The following CDC42BPA variants were observed in gnomAD, a reference collection of about 807,000 sequenced individuals.
CDC42BPA encodes CDC42 binding protein kinase alpha.
A neutral mutation model predicts 223.5 loss-of-function variants in CDC42BPA; 80 were observed. The ratio of observed to expected loss-of-function variants is 0.36; its 90% CI spans 0.30 to 0.43. The LOEUF (loss-of-function observed/expected upper bound fraction) is 0.43. Among genes scored for constraint, CDC42BPA ranks in the 20% least tolerant of loss-of-function variants. The pLI, the probability that CDC42BPA is intolerant of heterozygous loss-of-function variation, is 1.00. For synonymous variants in CDC42BPA, 694 were observed against 718.6 expected (o/e 0.97, Z 0.55); for missense variants, 1,743 against 2,099.9 (o/e 0.83, Z 3.32).
chr1:227,079,118 CAG>C (rs1329975521), intron 17 of CDC42BPA, among the ~76,000 whole-genome samples: 1 of 152,076 alleles, frequency 6.6e-6, no homozygotes, highest in Admixed American at 6.6e-5. Flanking sequence ...GAAAGTTGAA[CAG>C]GGAATATATA....
At chr1:227,025,931 GT>G in intron 31 of CDC42BPA, 123 bp downstream of exon 31, 1 of 607,024 alleles carries the variant, frequency 1.6e-6, no homozygotes, top group South Asian at 2.1e-5. Flanking sequence ...TCTTAGCTAA[GT>G]CCCAAACTGC....
At chr1:227,255,133 T>C (rs1344564423) in intron 1 of CDC42BPA, among the ~76,000 whole-genome samples, 2 of 152,224 alleles carry the variant, frequency 1.3e-5, no homozygotes, top group Non-Finnish European at 2.9e-5. Flanking sequence ...TTCTGCTGCC[T>C]CTAAGAGAAG....
At chr1:227,179,090 A>G (rs1558687577) in intron 5 of CDC42BPA, among the ~76,000 whole-genome samples, 4 of 152,236 alleles carry the variant, frequency 2.6e-5, no homozygotes. Context: ...ACCGCGTGTT[A>G]TATGATTTCA....
chr1:227,024,625 T>C (rs1391455153), intron 31 of CDC42BPA, among the ~76,000 whole-genome samples: 1 of 152,200 alleles, frequency 6.6e-6, no homozygotes, highest in African/African-American at 2.4e-5. Flanking sequence ...CTATATGGTA[T>C]ATATAACAAC....
At chr1:227,159,456 A>T (rs2149794128) in intron 6 of CDC42BPA, among the ~76,000 whole-genome samples, 1 of 152,290 alleles carries the variant, frequency 6.6e-6, no homozygotes, top group Non-Finnish European at 1.5e-5. Flanking sequence ...TCTGCACTCC[A>T]GCCTAGGCAA....
At chr1:227,105,682 A>G (rs762303163) in intron 14 of CDC42BPA, among the ~76,000 whole-genome samples, 1 of 152,116 alleles carries the variant, frequency 6.6e-6, no homozygotes, top group African/African-American at 2.4e-5. Context: ...ATTATTTCAT[A>G]TAAGTGGAAT....
chr1:227,206,742 A>T (rs1050445446), intron 3 of CDC42BPA, among the ~76,000 whole-genome samples: 2 of 152,192 alleles, frequency 1.3e-5, no homozygotes, highest in Admixed American at 1.3e-4. Flanking sequence ...TGTCTAAAAG[A>T]TAAAAGTTTT....
chr1:227,141,504 A>G (rs920912668), intron 9 of CDC42BPA, among the ~76,000 whole-genome samples: 1 of 152,208 alleles, frequency 6.6e-6, no homozygotes, highest in African/African-American at 2.4e-5. Context: ...TCATCCATGA[A>G]AAGAACAGAG....
At chr1:227,132,104 TAAG>T (rs769535475) in intron 10 of CDC42BPA, among the ~76,000 whole-genome samples, 2 of 147,686 alleles carry the variant, frequency 1.4e-5, no homozygotes, top group African/African-American at 5.0e-5. Context: ...GTTCACCAAT[TAAG>T]AAATTCAACC....
At chr1:227,238,667 A>G (rs947214440) in intron 2 of CDC42BPA, among the ~76,000 whole-genome samples, 2 of 152,192 alleles carry the variant, frequency 1.3e-5, no homozygotes, top group African/African-American at 4.8e-5. Flanking sequence ...AAACCTAACT[A>G]TATGAAAAAG....
rs2148671803 is a variant in CDC42BPA at position 227,032,095 on chromosome 1, C to T, written c.3559-581G>A. ...CAGAAATATATTCTCTGTTACTTCA[C>T]AACAATAACTCGCATTATCATTAAG... On this transcript the variant is annotated intron_variant, in intron 27 of 36. Coordinates refer to ENST00000366766, the MANE Select transcript of CDC42BPA (RefSeq NM_001394014.1). Among the ~76,000 whole-genome samples the T allele has an allele frequency of 2.0e-5, 3 of 152,216 alleles. No individual in the cohort carries two copies. In the South Asian group the frequency reaches 6.2e-4, roughly 32 times the overall value.
At chr1:227,213,093 T>C (rs199565620) in intron 3 of CDC42BPA, 43 bp downstream of exon 3, 6 of 973,438 alleles carry the variant, frequency 6.2e-6, no homozygotes, top group Non-Finnish European at 9.3e-6. Flanking sequence ...TCCTGAAAAA[T>C]ATTTCTAAAA....
intron 9 of CDC42BPA, among the ~76,000 whole-genome samples, chr1:227,140,444 T>C (rs1380915919): frequency 6.6e-6 from 1 of 151,636 alleles, no homozygotes; most frequent in Non-Finnish European, 1.5e-5. Flanking sequence ...TAAGTAAGGG[T>C]GAGGGGACCA....
At chr1:227,249,037 A>G (rs1370598596) in intron 2 of CDC42BPA, among the ~76,000 whole-genome samples, 1 of 152,234 alleles carries the variant, frequency 6.6e-6, no homozygotes, top group Non-Finnish European at 1.5e-5. Flanking sequence ...TTCAAATGAT[A>G]CTACAGAGCT....
chr1:227,099,064 T>G (rs1572798862), intron 15 of CDC42BPA, among the ~76,000 whole-genome samples: 1 of 152,278 alleles, frequency 6.6e-6, no homozygotes, highest in East Asian at 1.9e-4. Flanking sequence ...TGTAAAGCAT[T>G]ACTCACGTGT....
chr1:227,227,330 T>A (rs1572488179), intron 2 of CDC42BPA, among the ~76,000 whole-genome samples: 1 of 152,202 alleles, frequency 6.6e-6, no homozygotes, highest in Non-Finnish European at 1.5e-5. Flanking sequence ...TCTGAACTTA[T>A]AAATCACATT....
intron 30 of CDC42BPA, among the ~76,000 whole-genome samples, chr1:227,026,883 T>G (rs1668357429): frequency 6.6e-6 from 1 of 152,124 alleles, no homozygotes; most frequent in Non-Finnish European, 1.5e-5. Context: ...GGCATGATCA[T>G]AGCTCAAGTG....
At chr1:227,301,986 T>C (rs4644455) in intron 1 of CDC42BPA, among the ~76,000 whole-genome samples, 46,487 of 151,732 alleles carry the variant, frequency 0.31, 7,234 homozygotes, top group East Asian at 0.36. Flanking sequence ...CCCCAGATTT[T>C]CTAATCTCCT....
At chr1:227,135,047 C>A (rs909490484) in intron 10 of CDC42BPA, among the ~76,000 whole-genome samples, 4 of 152,164 alleles carry the variant, frequency 2.6e-5, no homozygotes, top group Non-Finnish European at 5.9e-5. Context: ...GTGAGGCATT[C>A]TGAGGTGAAG....
Sources: allele counts gnomAD v4.1 joint callset (sites outside exome capture counted in the v4.1 genomes callset), GRCh38; gene constraint gnomAD v4.1.1; transcripts MANE v1.5; gene names NCBI Gene and HGNC (gene_info 2026-07-23, HGNC 2026-07-21).